POLD3: variants seen among roughly 807,000 people sequenced by gnomAD.
POLD3 encodes the protein DNA polymerase delta subunit 3.
A neutral mutation model predicts 58.2 loss-of-function variants in POLD3; 19 were observed. That is an observed-to-expected ratio of 0.33 (90% CI 0.23 to 0.48). POLD3 has a LOEUF of 0.48. POLD3 is among the 20% of genes least tolerant of loss of function. The probability of loss-of-function intolerance (pLI) is 0.99; values close to 1 mark genes in which losing one functional copy is unlikely to be tolerated. For missense variants in POLD3, 504 were observed against 545.5 expected, an observed-to-expected ratio of 0.92 and a Z score of 0.76; for synonymous variants, 172 against 193.5, an observed-to-expected ratio of 0.89 and a Z score of 0.92.
Position 74,631,301 on chromosome 11 carries a change from A to G in POLD3, c.1006+1978A>G, listed in dbSNP as rs2032581864. ...CCTGGGTTTAAATTTTACCTTGACCACTTATTGTGTGACTTTAAGCAGATT... is the reference window on the plus strand; with the variant it reads ...CCTGGGTTTAAATTTTACCTTGACCGCTTATTGTGTGACTTTAAGCAGATT... On this transcript the variant is annotated intron_variant, in intron 9 of 11. Coordinates refer to ENST00000263681, the MANE Select transcript of POLD3 (RefSeq NM_006591.3). Among the ~76,000 whole-genome samples, 4 of 152,114 alleles carry G rather than the reference A, an allele frequency of 2.6e-5. No homozygotes were observed. The South Asian group carries it at 8.3e-4, about 32-fold the overall frequency.
At chr11:74,634,498 A>G (rs1190282181) in intron 9 of POLD3, 85 bp from the exon 10 acceptor site, 2 of 759,782 alleles carry the variant, frequency 2.6e-6, no homozygotes, top group Non-Finnish European at 4.8e-6. Flanking sequence ...TTTGCTGGAC[A>G]TGTCAATTTA....
intron 4 of POLD3, among the ~76,000 whole-genome samples, chr11:74,656,744 G>GTT (rs60280704): frequency 2.0e-5 from 3 of 147,350 alleles, no homozygotes; most frequent in East Asian, 2.0e-4. Flanking sequence ...ATATTTCAGG[G>GTT]TTTTTTTTTT....
Position 74,604,695 on chromosome 11 carries a change from G to T in POLD3, c.120G>T (p.Met40Ile), listed in dbSNP as rs370900609. 1.9e-6 allele frequency: 3 copies of T among 1,564,030 alleles called. No homozygotes were observed. The African/African-American group carries it at 4.1e-5, about 21-fold the overall frequency. ...LGVHVNQAKQ[M>I]LYDYVERKRK... ...TGCCTTCTTTTCTTTGGAATAGGAT[G>T]CTGTATGATTATGTTGAAAGGAAAC... is the stretch of plus-strand genomic sequence containing the variant. Residue 40 changes from methionine (M) to isoleucine (I), a missense_variant, in exon 3 of 12, where the codon ATG becomes ATT. Physicochemically the swap from Met to Ile is conservative, Grantham distance 10 (BLOSUM62 1). Coordinates refer to ENST00000263681, the MANE Select transcript of POLD3 (RefSeq NM_006591.3).
At chr11:74,662,780 C>G (rs1048569014) in intron 4 of POLD3, among the ~76,000 whole-genome samples, 2 of 152,170 alleles carry the variant, frequency 1.3e-5, no homozygotes, top group Non-Finnish European at 2.9e-5. Context: ...GTGGCACAGA[C>G]TGCCTTTCAA....
At chr11:74,609,382 T>C (rs1451748172) in intron 3 of POLD3, among the ~76,000 whole-genome samples, 1 of 24,700 alleles carries the variant, frequency 4.0e-5, no homozygotes, top group African/African-American at 2.8e-4. Context: ...ATTTTTTTTT[T>C]TTTTTTTTTT....
chr11:74,655,223 A>G (rs2033118083), intron 4 of POLD3, among the ~76,000 whole-genome samples: 1 of 152,280 alleles, frequency 6.6e-6, no homozygotes, highest in African/African-American at 2.4e-5. Flanking sequence ...CCACTAAGCA[A>G]CACTGACATG....
chr11:74,616,165 A>G (rs1485963189), intron 5 of POLD3, among the ~76,000 whole-genome samples: 1 of 152,218 alleles, frequency 6.6e-6, no homozygotes, highest in Non-Finnish European at 1.5e-5. Flanking sequence ...TCAAAATGAA[A>G]TCTGCCAGGG....
At chr11:74,618,496 CA>C (rs2032149019) in intron 5 of POLD3, 40 bp from the exon 6 acceptor site, 4 of 1,483,820 alleles carry the variant, frequency 2.7e-6, no homozygotes, top group Non-Finnish European at 3.7e-6. Flanking sequence ...CCCAAGAATG[CA>C]TATGCTGACA....
chr11:74,631,205 T>A (rs982031130), intron 9 of POLD3, among the ~76,000 whole-genome samples: 4 of 152,266 alleles, frequency 2.6e-5, no homozygotes, highest in Non-Finnish European at 5.9e-5. Flanking sequence ...TTCAATATGC[T>A]GTCTTCAGCC....
intron 4 of POLD3, among the ~76,000 whole-genome samples, chr11:74,652,397 G>A (rs887133978): frequency 2.0e-5 from 3 of 152,170 alleles, no homozygotes; most frequent in Non-Finnish European, 2.9e-5. Context: ...CTTCCCAAAG[G>A]TTGCGTATCA....
intron 2 of POLD3, among the ~76,000 whole-genome samples, chr11:74,599,123 C>T (rs2031387666): frequency 6.6e-6 from 1 of 152,144 alleles, no homozygotes; most frequent in Non-Finnish European, 1.5e-5. Flanking sequence ...GCCATGACCT[C>T]CTAGGCTTAA....
At chr11:74,663,811 AAGT>A (rs2033233626) in intron 4 of POLD3, among the ~76,000 whole-genome samples, 1 of 152,202 alleles carries the variant, frequency 6.6e-6, no homozygotes, top group South Asian at 2.1e-4. Context: ...ATTAAGAAAT[AAGT>A]AGGAAAACCA....
At chr11:74,627,488 T>C (rs2032465440) in intron 8 of POLD3, among the ~76,000 whole-genome samples, 1 of 152,078 alleles carries the variant, frequency 6.6e-6, no homozygotes, top group South Asian at 2.1e-4. Flanking sequence ...AAAATAAATT[T>C]AGTGTTGCCT....
chr11:74,642,957 G>A lies in POLD3; in HGVS notation c.*2191G>A. On this transcript the variant is annotated 3_prime_UTR_variant, in exon 12 of 12. Coordinates refer to ENST00000263681, the MANE Select transcript of POLD3 (RefSeq NM_006591.3). ...TTTAGTTCATCTAGAAGAAAATCTAGCACATTGTATTAGTTTGGCTTCATC... is the reference window on the plus strand; with the variant it reads ...TTTAGTTCATCTAGAAGAAAATCTAACACATTGTATTAGTTTGGCTTCATC... The A allele has an allele frequency of 1.0e-6, 1 of 984,308 alleles. No homozygotes were observed. The highest frequency in any genetic ancestry group is 1.2e-6 in the Non-Finnish European group (1 of 828,960). 61.0% of individuals were successfully genotyped at this position (984,308 alleles called of 1,614,324 possible).
chr11:74,593,044 G>A (rs545923711), intron 1 of POLD3: 1 of 1,140,354 alleles, frequency 8.8e-7, no homozygotes, highest in East Asian at 4.9e-5. Context: ...TAAGGTGGTT[G>A]GCGTTTAAAG....
intron 11 of POLD3, among the ~76,000 whole-genome samples, chr11:74,636,989 G>C (rs934908789): frequency 1.3e-5 from 2 of 152,176 alleles, no homozygotes; most frequent in African/African-American, 4.8e-5. Flanking sequence ...AGCACTTGAG[G>C]TTTGATGGGA....
intron 4 of POLD3, among the ~76,000 whole-genome samples, chr11:74,648,316 T>C (rs931182872): frequency 2.0e-5 from 3 of 152,212 alleles, no homozygotes; most frequent in Admixed American, 2.0e-4. Context: ...CCCCTCTGGT[T>C]GGTGTTCTAG....
chr11:74,607,563 G>T (rs563672178), intron 3 of POLD3, among the ~76,000 whole-genome samples: 11 of 151,940 alleles, frequency 7.2e-5, no homozygotes, highest in Admixed American at 5.2e-4. Context: ...ACCGCGCCTG[G>T]ACTTATTTTT....
At chr11:74,619,680 G>A (rs1250638044) in intron 6 of POLD3, among the ~76,000 whole-genome samples, 2 of 152,112 alleles carry the variant, frequency 1.3e-5, no homozygotes, top group Non-Finnish European at 2.9e-5. Context: ...AATGTTTTAG[G>A]TTTTCCCGCT....
Sources: allele counts gnomAD v4.1 joint callset (sites outside exome capture counted in the v4.1 genomes callset), GRCh38; gene constraint gnomAD v4.1.1; transcripts MANE v1.5; gene names NCBI Gene and HGNC (gene_info 2026-07-23, HGNC 2026-07-21).